The following FRMD4A variants were observed in gnomAD, a reference collection of about 807,000 sequenced individuals.
FRMD4A encodes FERM domain-containing protein 4A.
In FRMD4A, 29 loss-of-function variants were observed where a neutral mutation model predicts 129.1. The ratio of observed to expected loss-of-function variants is 0.22; its 90% CI spans 0.17 to 0.31. The LOEUF (loss-of-function observed/expected upper bound fraction) is 0.31, where lower values mean the gene tolerates loss of function less well. Ranked by LOEUF, FRMD4A falls within the 10% of genes least tolerant of loss-of-function variation. The pLI, the probability that FRMD4A is intolerant of heterozygous loss-of-function variation, is 1.00. For missense variants in FRMD4A, 1,272 were observed against 1,375.8 expected, an observed-to-expected ratio of 0.92 and a Z score of 1.19; for synonymous variants, 634 against 571.6, an observed-to-expected ratio of 1.11 and a Z score of -1.56.
In FRMD4A at chr10:13,666,145, T is replaced by C. The variant is rs2083018450; in HGVS notation, c.1555A>G (p.Ile519Val). ...EIENAINENR[I>V]KSGKKPTQRA... ...TGGGTGGGTTTCTTCCCAGACTTGA[T>C]GCGGTTCTCATTGATTGCATTTTCA... The change falls in exon 18 of 25, where the codon ATC becomes GTC. Residue 519 changes from isoleucine to valine, a missense_variant. Coordinates refer to ENST00000357447, the MANE Select transcript of FRMD4A (RefSeq NM_018027.5). The C allele has an allele frequency of 1.2e-6, 2 of 1,613,744 alleles. No individual in the cohort carries two copies. Among genetic ancestry groups the C allele is most frequent in the Non-Finnish European group, 1.7e-6 (2 of 1,179,604 alleles).
rs1293625635 is a variant in FRMD4A at position 14,254,407 on chromosome 10, A to G, written c.45+75651T>C. Among the ~76,000 whole-genome samples the G allele has an allele frequency of 3.3e-5, 5 of 152,168 alleles. No homozygotes were observed. In the South Asian group the frequency reaches 1.0e-3, roughly 31 times the overall value. ...GCTTTGTCTGAGGTGGAAGAAGGAC[A>G]TCCTTCAGAAGGGAGAACACAGGAC... On this transcript the variant is annotated intron_variant, in intron 2 of 24. Transcript: ENST00000357447.
chr10:14,175,753 G>A (rs1034067452), intron 2 of FRMD4A, among the ~76,000 whole-genome samples: 1 of 152,014 alleles, frequency 6.6e-6, no homozygotes, highest in African/African-American at 2.4e-5. Flanking sequence ...TCAAACTCCT[G>A]GCCTCAAGAG....
chr10:14,267,227 G>A (rs1845010023), intron 2 of FRMD4A, among the ~76,000 whole-genome samples: 1 of 152,204 alleles, frequency 6.6e-6, no homozygotes, highest in African/African-American at 2.4e-5. Flanking sequence ...GTCTCTTTCA[G>A]ACACATGACG....
At chr10:13,877,842 G>A (rs1292214197) in intron 2 of FRMD4A, among the ~76,000 whole-genome samples, 2 of 152,272 alleles carry the variant, frequency 1.3e-5, no homozygotes, top group South Asian at 2.1e-4. Flanking sequence ...GCCCCTGGGC[G>A]CCTGGTCCAG....
At chr10:13,736,266 G>T (rs2090625695) in intron 12 of FRMD4A, among the ~76,000 whole-genome samples, 1 of 152,162 alleles carries the variant, frequency 6.6e-6, no homozygotes, top group African/African-American at 2.4e-5. Flanking sequence ...ATGCCACGTG[G>T]GAAAAAGGCA....
chr10:13,796,910 G>C (rs2093131548), intron 4 of FRMD4A, among the ~76,000 whole-genome samples: 1 of 152,040 alleles, frequency 6.6e-6, no homozygotes, highest in Admixed American at 6.6e-5. Context: ...GGTAGAGACG[G>C]GGTTTCACCA....
rs569908924 is a variant in FRMD4A, at chr10:14,118,751, A to G, written c.45+211307T>C. On this transcript the variant is annotated intron_variant, in intron 2 of 24. Transcript: ENST00000357447. Reference sequence around the variant, plus strand: ...GATATCATGAGACTTATTTACTACAACGAGAACAGTACGGGGGAAACTGCT... The same window carrying G: ...GATATCATGAGACTTATTTACTACAGCGAGAACAGTACGGGGGAAACTGCT... Among the ~76,000 whole-genome samples, 8 of 152,250 alleles carry G rather than the reference A, an allele frequency of 5.3e-5. No individual in the cohort carries two copies. The East Asian group carries it at 1.2e-3, about 22-fold the overall frequency.
intron 2 of FRMD4A, among the ~76,000 whole-genome samples, chr10:14,080,593 T>C (rs1233246058): frequency 6.6e-6 from 1 of 152,010 alleles, no homozygotes; most frequent in Non-Finnish European, 1.5e-5. Context: ...GTTTGCTGCA[T>C]CAGATGGCCT....
chr10:14,303,714 A>C (rs1387117643), intron 2 of FRMD4A, among the ~76,000 whole-genome samples: 1 of 152,200 alleles, frequency 6.6e-6, no homozygotes, highest in Non-Finnish European at 1.5e-5. Context: ...TAGAGGAGTT[A>C]GGGGAGTCTG....
At chr10:13,903,086 C>A (rs1293835468) in intron 2 of FRMD4A, among the ~76,000 whole-genome samples, 1 of 152,134 alleles carries the variant, frequency 6.6e-6, no homozygotes, top group African/African-American at 2.4e-5. Context: ...AGGGCCTTTG[C>A]ACTTCCATCT....
chr10:14,322,868 A>G (rs1023972518), intron 2 of FRMD4A, among the ~76,000 whole-genome samples: 1 of 152,242 alleles, frequency 6.6e-6, no homozygotes, highest in African/African-American at 2.4e-5. Context: ...CCAAACCACT[A>G]TTATACTTTG....
At chr10:13,971,542 G>A (rs2095518205) in intron 2 of FRMD4A, 1 of 542,274 alleles carries the variant, frequency 1.8e-6, no homozygotes, top group South Asian at 1.7e-5. Context: ...CCTGTTAAAT[G>A]TAACATGCTT....
At chr10:14,100,918 A>T (rs920794084) in intron 2 of FRMD4A, among the ~76,000 whole-genome samples, 5 of 152,188 alleles carry the variant, frequency 3.3e-5, no homozygotes, top group Admixed American at 2.0e-4. Context: ...TTAACTTTGT[A>T]CAAGTCTTTC....
intron 15 of FRMD4A, among the ~76,000 whole-genome samples, chr10:13,681,245 C>T (rs949465266): frequency 1.7e-4 from 26 of 152,174 alleles, no homozygotes; most frequent in African/African-American, 5.8e-4. Flanking sequence ...CAGCCTCTCC[C>T]GGGCTGGAAG....
At chr10:14,230,098 C>G (rs1331614290) in intron 2 of FRMD4A, among the ~76,000 whole-genome samples, 1 of 152,200 alleles carries the variant, frequency 6.6e-6, no homozygotes, top group Non-Finnish European at 1.5e-5. Flanking sequence ...TTTCTAATGA[C>G]AGCCATGTAT....
At chr10:14,026,793 T>C (rs1163786143) in intron 2 of FRMD4A, among the ~76,000 whole-genome samples, 7 of 152,208 alleles carry the variant, frequency 4.6e-5, no homozygotes, top group African/African-American at 1.7e-4. Context: ...AAAAGCCAAG[T>C]GCCTTCTCTC....
chr10:13,970,049 C>A (rs966432810), intron 2 of FRMD4A, among the ~76,000 whole-genome samples: 2 of 152,206 alleles, frequency 1.3e-5, no homozygotes, highest in Non-Finnish European at 2.9e-5. Flanking sequence ...CACATTACTG[C>A]TTGAATCTCC....
chr10:13,914,634 G>A (rs2698111), intron 2 of FRMD4A, among the ~76,000 whole-genome samples: 122,535 of 151,966 alleles, frequency 0.81, 49,782 homozygotes, highest in South Asian at 0.89. Context: ...AGAGACTGAT[G>A]GATTTAACAA....
At chr10:13,660,243 C>A (rs1005722517) in intron 20 of FRMD4A, 73 bp downstream of exon 20, 1 of 975,590 alleles carries the variant, frequency 1.0e-6, no homozygotes. Context: ...GTGGATGCTA[C>A]TTGGGACGGC....
Sources: allele counts gnomAD v4.1 joint callset (sites outside exome capture counted in the v4.1 genomes callset), GRCh38; gene constraint gnomAD v4.1.1; transcripts MANE v1.5; gene names NCBI Gene and HGNC (gene_info 2026-07-23, HGNC 2026-07-21).